Variants in ZSWIM5 observed in about 807,000 individuals in gnomAD.
The protein encoded by ZSWIM5 is zinc finger SWIM-type containing 5.
ZSWIM5 carries 55 observed loss-of-function variants against 119.6 expected under a neutral mutation model. The observed-to-expected ratio is 0.46, with a 90% CI of 0.37 to 0.58. The LOEUF is 0.58. ZSWIM5 is among the 20% of genes least tolerant of loss of function. The pLI is 0.00. For synonymous variants in ZSWIM5, 537 were observed against 606.9 expected (o/e 0.88, Z 1.69); for missense variants, 1,193 against 1,512.8 (o/e 0.79, Z 3.51).
At chr1:45,025,615 G>A (rs547023437) in intron 11 of ZSWIM5, among the ~76,000 whole-genome samples, 1 of 152,068 alleles carries the variant, frequency 6.6e-6, no homozygotes, top group Admixed American at 6.5e-5. Context: ...AATTCCAATT[G>A]TTCTTTGCTG....
intron 1 of ZSWIM5, among the ~76,000 whole-genome samples, chr1:45,133,500 C>T (rs1225776446): frequency 6.6e-6 from 1 of 152,112 alleles, no homozygotes; most frequent in Non-Finnish European, 1.5e-5. Context: ...TTTGTAGATT[C>T]TGGATATTAG....
chr1:45,146,431 C>CTTTTTTTT lies in ZSWIM5; in HGVS notation c.596-58202_596-58195dup, dbSNP rs35073818. 1.7e-4 allele frequency among the ~76,000 whole-genome samples: 8 copies of CTTTTTTTT among 45,900 alleles called. 2 individuals are homozygous for CTTTTTTTT. Among genetic ancestry groups the CTTTTTTTT allele is most frequent in the African/African-American group, 7.5e-4 (7 of 9,282 alleles). The allele number at this position is 45,900 out of a possible 152,430, so 30.1% of individuals were successfully genotyped here. A position where few individuals can be genotyped will look rare whatever the true frequency, so the allele number is the denominator to read the frequency against. On this transcript the variant is annotated intron_variant, in intron 1 of 13. Coordinates refer to ENST00000359600, the MANE Select transcript of ZSWIM5 (RefSeq NM_020883.2). ...TAAAATACAAGTATCTGTTTCTAGA[C>CTTTTTTTT]TTTTTTTTTTTTTTTTTTTTTTTTT...
intron 1 of ZSWIM5, among the ~76,000 whole-genome samples, chr1:45,149,622 T>C (rs1405326592): frequency 1.3e-5 from 2 of 152,194 alleles, no homozygotes; most frequent in Non-Finnish European, 2.9e-5. Flanking sequence ...AGAACATACA[T>C]AACTGTAGTA....
intron 1 of ZSWIM5, among the ~76,000 whole-genome samples, chr1:45,172,725 A>G (rs1045810984): frequency 1.3e-5 from 2 of 152,134 alleles, no homozygotes; most frequent in Non-Finnish European, 2.9e-5. Context: ...TTTCTCCCAC[A>G]GCATGTCCTT....
chr1:45,034,144 G>A (rs546382021), intron 11 of ZSWIM5, among the ~76,000 whole-genome samples, 168 bp downstream of exon 11: 9 of 152,316 alleles, frequency 5.9e-5, no homozygotes, highest in Admixed American at 1.3e-4. Flanking sequence ...AAGCCACCGC[G>A]CCTGGCCAGG....
At chr1:45,043,469 T>C in intron 5 of ZSWIM5, 74 bp from the exon 6 acceptor site, 2 of 1,455,970 alleles carry the variant, frequency 1.4e-6, no homozygotes, top group Non-Finnish European at 1.9e-6. Context: ...TTCTTCAGGG[T>C]GGGAGGTTGG....
intron 1 of ZSWIM5, among the ~76,000 whole-genome samples, chr1:45,176,440 T>C (rs1259615775): frequency 6.6e-6 from 1 of 151,892 alleles, no homozygotes; most frequent in African/African-American, 2.4e-5. Flanking sequence ...ATTTTTCTAT[T>C]TTTTAGTAGA....
At chr1:45,029,101 A>G (rs1241242404) in intron 11 of ZSWIM5, among the ~76,000 whole-genome samples, 2 of 152,232 alleles carry the variant, frequency 1.3e-5, no homozygotes, top group Admixed American at 1.3e-4. Context: ...TCCTACACCC[A>G]CAAGACAACC....
intron 4 of ZSWIM5, 109 bp from the exon 5 acceptor site, chr1:45,051,362 T>C: frequency 8.4e-7 from 1 of 1,188,814 alleles, no homozygotes; most frequent in Non-Finnish European, 1.2e-6. Context: ...CAAAGCATTA[T>C]CTTTTCTTAA....
intron 1 of ZSWIM5, among the ~76,000 whole-genome samples, chr1:45,161,132 A>G (rs1301933941): frequency 6.6e-6 from 1 of 151,608 alleles, no homozygotes; most frequent in Non-Finnish European, 1.5e-5. Context: ...CCTATATACC[A>G]CATTTTAAAA....
intron 5 of ZSWIM5, 21 bp from the exon 6 acceptor site, chr1:45,043,416 A>G (rs1434917703): frequency 1.7e-5 from 28 of 1,612,834 alleles, no homozygotes; most frequent in Non-Finnish European, 2.3e-5. Flanking sequence ...AAGAACATGC[A>G]GCAGTACAGT....
At chr1:45,048,079 TC>T (rs372833934) in intron 5 of ZSWIM5, among the ~76,000 whole-genome samples, 99,053 of 116,420 alleles carry the variant, frequency 0.85, 42,186 homozygotes, top group South Asian at 0.92. Context: ...CCTTTTCTTT[TC>T]TCTTTTTTTT....
chr1:45,122,366 A>G (rs1304499391), intron 1 of ZSWIM5, among the ~76,000 whole-genome samples: 1 of 152,266 alleles, frequency 6.6e-6, no homozygotes, highest in Non-Finnish European at 1.5e-5. Flanking sequence ...AGTGCTAAAC[A>G]TATAGTAAAC....
chr1:45,041,268 G>A (rs909145754), intron 6 of ZSWIM5, among the ~76,000 whole-genome samples: 1 of 152,148 alleles, frequency 6.6e-6, no homozygotes, highest in Non-Finnish European at 1.5e-5. Context: ...CCTGGAAAAG[G>A]TAGAGTCTGG....
chr1:45,103,012 C>T (rs1317308715), intron 1 of ZSWIM5, among the ~76,000 whole-genome samples: 1 of 152,016 alleles, frequency 6.6e-6, no homozygotes, highest in Non-Finnish European at 1.5e-5. Context: ...CAGGCATGCG[C>T]CACCAATACC....
At chr1:45,124,490 T>C (rs1420697288) in intron 1 of ZSWIM5, among the ~76,000 whole-genome samples, 4 of 151,976 alleles carry the variant, frequency 2.6e-5, no homozygotes, top group African/African-American at 4.8e-5. Flanking sequence ...ATGCTATAGA[T>C]AGATCAAAAT....
chr1:45,180,873 C>T (rs1183958271), intron 1 of ZSWIM5, among the ~76,000 whole-genome samples: 1 of 152,096 alleles, frequency 6.6e-6, no homozygotes, highest in Non-Finnish European at 1.5e-5. Flanking sequence ...AGCTGAGGGT[C>T]CTGTCTGTTA....
In ZSWIM5 at chr1:45,113,672, T is replaced by C. The variant is rs192407502; in HGVS notation, c.596-25435A>G. Among the ~76,000 whole-genome samples the C allele has an allele frequency of 8.5e-5, 13 of 152,298 alleles. No individual in the cohort carries two copies. In the East Asian group the frequency reaches 2.5e-3, roughly 29 times the overall value. ...ACAGAAGATAAAATGATGGTAAGAA[T>C]TAAGATAGCTTAAAATATGTCAATG... On this transcript the variant is annotated intron_variant, in intron 1 of 13. Transcript: ENST00000359600.
chr1:45,096,679 C>A (rs1035766335), intron 1 of ZSWIM5, among the ~76,000 whole-genome samples: 6 of 152,152 alleles, frequency 3.9e-5, no homozygotes, highest in African/African-American at 7.2e-5. Context: ...CCACCCCTTG[C>A]CCCTCGGATC....
Sources: gnomAD v4.1 joint callset for allele counts (sites outside exome capture counted in the v4.1 genomes callset) on GRCh38, gnomAD v4.1.1 for gene constraint, MANE v1.5 for transcripts, NCBI Gene and HGNC (gene_info 2026-07-23, HGNC 2026-07-21) for gene names.